The following GATB variants were observed in gnomAD, a reference collection of about 807,000 sequenced individuals.
The protein encoded by GATB is glutamyl-tRNA amidotransferase subunit B, also known as glutamyl-tRNA(Gln) amidotransferase subunit B, mitochondrial.
Under a neutral mutation model 62.3 loss-of-function variants are expected in GATB, and 39 were observed. That is an observed-to-expected ratio of 0.63 (90% confidence interval 0.48 to 0.82). The LOEUF is 0.82. Ranked by LOEUF, GATB falls within the 40% of genes least tolerant of loss-of-function variation. The probability of loss-of-function intolerance (pLI) is 0.00; values close to 1 mark genes in which losing one functional copy is unlikely to be tolerated. For synonymous variants in GATB, 276 were observed against 258.9 expected (o/e 1.07, Z -0.63); for missense variants, 670 against 684.0 (o/e 0.98, Z 0.23).
rs1738928969 is a variant in GATB, at chr4:151,717,066, GTAGCCTGCC to G, written c.442-1_449del. 2 of 1,613,964 alleles carry G rather than the reference GTAGCCTGCC, an allele frequency of 1.2e-6. No individual in the cohort carries two copies. The highest frequency in any genetic ancestry group is 1.7e-5 in the Admixed American group (1 of 59,994). On this transcript the variant is annotated splice_acceptor_variant and coding_sequence_variant, in exon 4 of 13. Coordinates refer to ENST00000263985, the MANE Select transcript of GATB (RefSeq NM_004564.3). LOFTEE classifies it high-confidence loss of function. ...TTGGGAGCCTCTGCTGGGTAATTTG[GTAGCCTGCC>G]TGCACACAAACATAGGGTAAACATA...
At chr4:151,724,920 T>C (rs890443993) in intron 2 of GATB, among the ~76,000 whole-genome samples, 3 of 152,156 alleles carry the variant, frequency 2.0e-5, no homozygotes, top group African/African-American at 7.2e-5. Context: ...TTTATCAACA[T>C]TCAAAAGACT....
At chr4:151,705,413 C>T (rs1738696529) in intron 6 of GATB, 144 bp from the exon 7 acceptor site, 4 of 615,452 alleles carry the variant, frequency 6.5e-6, no homozygotes, top group Admixed American at 5.8e-5. Flanking sequence ...TTCCCTTACA[C>T]ACTATATTTC....
intron 4 of GATB, 135 bp from the exon 5 acceptor site, chr4:151,716,266 T>G: frequency 7.4e-5 from 59 of 800,528 alleles, no homozygotes; most frequent in Non-Finnish European, 6.8e-5. Context: ...ATCATTTCTC[T>G]TCCCTCCCAC....
intron 9 of GATB, among the ~76,000 whole-genome samples, chr4:151,694,136 G>A (rs1738424419): frequency 6.6e-6 from 1 of 152,186 alleles, no homozygotes; most frequent in Non-Finnish European, 1.5e-5. Flanking sequence ...CTTTCTGGCT[G>A]CAGCTTAAAA....
At chr4:151,720,609 G>C (rs1018300398) in intron 2 of GATB, 1 of 152,104 alleles carries the variant, frequency 6.6e-6, no homozygotes, top group Non-Finnish European at 1.5e-5. Flanking sequence ...CCTTCTAGTT[G>C]AGCATTTCCA....
chr4:151,742,580 T>G (rs370812710), intron 2 of GATB, among the ~76,000 whole-genome samples: 24 of 152,028 alleles, frequency 1.6e-4, no homozygotes, highest in African/African-American at 5.8e-4. Context: ...GGTATGGGAG[T>G]CTGCCCTAAG....
At chr4:151,682,607 A>G (rs1738164848) in intron 10 of GATB, among the ~76,000 whole-genome samples, 1 of 151,980 alleles carries the variant, frequency 6.6e-6, no homozygotes. Context: ...AAATTTGTCC[A>G]GTCCCTCAGA....
chr4:151,688,287 C>T (rs1160060394), intron 10 of GATB, among the ~76,000 whole-genome samples: 1 of 152,130 alleles, frequency 6.6e-6, no homozygotes, highest in Non-Finnish European at 1.5e-5. Flanking sequence ...TCCCAGCACC[C>T]CGTGCATGCT....
At chr4:151,742,096 T>TG (rs899860624) in intron 2 of GATB, among the ~76,000 whole-genome samples, 1 of 151,182 alleles carries the variant, frequency 6.6e-6, no homozygotes, top group Non-Finnish European at 1.5e-5. Flanking sequence ...TATGGTTTTT[T>TG]TTTTTTTTTT....
At chr4:151,699,050 C>A (rs977627756) in intron 9 of GATB, among the ~76,000 whole-genome samples, 3 of 151,926 alleles carry the variant, frequency 2.0e-5, no homozygotes, top group South Asian at 2.1e-4. Flanking sequence ...TTAAAAAAAT[C>A]TTTTGTTTCT....
At chr4:151,697,924 C>T (rs1738504305) in intron 9 of GATB, among the ~76,000 whole-genome samples, 2 of 99,288 alleles carry the variant, frequency 2.0e-5, no homozygotes, top group Non-Finnish European at 3.6e-5. Flanking sequence ...AAACAAAAAT[C>T]GATTTCATAT....
rs1738302108 is a variant in GATB at position 151,688,684 on chromosome 4, A to G, written c.1277T>C (p.Val426Ala). 1 of 1,613,366 alleles carries G rather than the reference A, an allele frequency of 6.2e-7. No homozygotes were observed. ...TAAATAGCCCAGAAAAGTGTTGAGG[A>G]CCCAACTAGTCACCTTTTTTGGCTC... ...RAEPKKVTSW[V>A]LNTFLGYLKQ... The change falls in exon 10 of 13, where the codon GTC (valine) becomes GCC (alanine). Residue 426 changes from valine (V) to alanine (A), a missense_variant. Physicochemically the swap from Val to Ala is moderately conservative, Grantham distance 64 (BLOSUM62 0). Coordinates refer to ENST00000263985, the MANE Select transcript of GATB (RefSeq NM_004564.3).
In GATB at chr4:151,672,546, C is replaced by T. The variant is rs936896067; in HGVS notation, c.1545+216G>A. 9.1e-6 allele frequency: 5 copies of T among 550,202 alleles called. No homozygotes were observed. The African/African-American group carries it at 9.4e-5, about 10-fold the overall frequency. 34.1% of individuals were successfully genotyped at this position (550,202 alleles called of 1,614,324 possible). On this transcript the variant is annotated intron_variant, in intron 12 of 12. Coordinates refer to ENST00000263985, the MANE Select transcript of GATB (RefSeq NM_004564.3). ...CATGGAGAGTAAACTCCAGGGGTGGCATCCTTCTTATAGGAAAAGAAGTTG... is the reference window on the plus strand; with the variant it reads ...CATGGAGAGTAAACTCCAGGGGTGGTATCCTTCTTATAGGAAAAGAAGTTG...
chr4:151,720,524 T>C (rs1022264572), intron 2 of GATB: 3 of 152,178 alleles, frequency 2.0e-5, no homozygotes. Context: ...GCAGATGAAA[T>C]ATATTTCTAT....
intron 2 of GATB, among the ~76,000 whole-genome samples, chr4:151,753,369 T>C (rs1739759865): frequency 6.6e-6 from 1 of 152,150 alleles, no homozygotes; most frequent in East Asian, 1.9e-4. Flanking sequence ...TTTAAGGTTG[T>C]GTAGGACACA....
chr4:151,758,669 T>C (rs1739884337), intron 2 of GATB, 103 bp downstream of exon 2: 1 of 1,015,242 alleles, frequency 9.8e-7, no homozygotes, highest in African/African-American at 1.6e-5. Flanking sequence ...TAAATAAGTA[T>C]TTCCAAAGAG....
At chr4:151,688,142 C>T (rs548880298) in intron 10 of GATB, among the ~76,000 whole-genome samples, 1 of 152,276 alleles carries the variant, frequency 6.6e-6, no homozygotes, top group East Asian at 1.9e-4. Context: ...TCGCACTCTG[C>T]TTTGTCTGCG....
chr4:151,754,903 A>C (rs1057036099), intron 2 of GATB, among the ~76,000 whole-genome samples: 10 of 152,236 alleles, frequency 6.6e-5, no homozygotes, highest in African/African-American at 2.4e-4. Flanking sequence ...GGTGAAATCA[A>C]GGTTAAGTGA....
At chr4:151,678,308 T>C (rs1044689200) in intron 11 of GATB, among the ~76,000 whole-genome samples, 2 of 152,208 alleles carry the variant, frequency 1.3e-5, no homozygotes, top group East Asian at 3.8e-4. Context: ...ATTTTCCATT[T>C]CTTCTTACTG....
Sources: gnomAD v4.1 joint callset for allele counts (sites outside exome capture counted in the v4.1 genomes callset) on GRCh38, gnomAD v4.1.1 for gene constraint, MANE v1.5 for transcripts, NCBI Gene and HGNC (gene_info 2026-07-23, HGNC 2026-07-21) for gene names.